Variants in SRGAP2 observed in about 807,000 individuals in gnomAD.
SRGAP2 encodes SLIT-ROBO Rho GTPase-activating protein 2.
A neutral mutation model predicts 57.2 loss-of-function variants in SRGAP2; 15 were observed. The observed-to-expected ratio is 0.26, with a 90% CI of 0.18 to 0.40. The LOEUF is 0.40. Ranked by LOEUF, SRGAP2 falls within the 10% of genes least tolerant of loss-of-function variation. The probability of loss-of-function intolerance (pLI) is 1.00; values close to 1 mark genes in which losing one functional copy is unlikely to be tolerated. For synonymous variants in SRGAP2, 249 were observed against 248.0 expected, an observed-to-expected ratio of 1.00 and a Z score of -0.04; for missense variants, 520 against 669.6, an observed-to-expected ratio of 0.78 and a Z score of 2.47.
At chr1:206,419,322 T>C in intron 11 of SRGAP2, 51 bp from the exon 12 acceptor site, 1 of 779,760 alleles carries the variant, frequency 1.3e-6, no homozygotes, top group African/African-American at 1.7e-5. Context: ...GTCTCCCTCC[T>C]TCACCTCTTC....
chr1:206,359,249 G>T lies in SRGAP2; in HGVS notation c.423+16241G>T, dbSNP rs1431089109. On this transcript the variant is annotated intron_variant, in intron 4 of 22. Transcript: ENST00000573034. ...GCAATGGGAGAAATATGTGGAAATA[G>T]CCTGAAGCCTGAGTATAGAAGGCTT... Among the ~76,000 whole-genome samples the T allele has an allele frequency of 1.6e-4, 17 of 103,924 alleles. No homozygotes were observed. In the East Asian group the frequency reaches 4.7e-3, roughly 29 times the overall value. 68.2% of individuals were successfully genotyped at this position (103,924 alleles called of 152,430 possible). A position where few individuals can be genotyped will look rare whatever the true frequency, so the allele number is the denominator to read the frequency against.
chr1:206,205,549 T>TC lies in SRGAP2; in HGVS notation c.-417dup, dbSNP rs1665841558. ...AAAAACCGCGAAGCACGCCCAGCCC[T>TC]CCCCCGGCACCCCGAAAAGCACCCA... On this transcript the variant is annotated 5_prime_UTR_variant, in exon 2 of 23. Transcript: ENST00000573034. 1 of 127,472 alleles carries TC rather than the reference T, an allele frequency of 7.8e-6. No homozygotes were observed. The highest frequency in any genetic ancestry group is 3.8e-5 in the African/African-American group (1 of 26,644). 7.9% of individuals were successfully genotyped at this position (127,472 alleles called of 1,614,324 possible).
chr1:206,283,935 G>A (rs1227988583), intron 2 of SRGAP2, among the ~76,000 whole-genome samples: 3 of 127,250 alleles, frequency 2.4e-5, no homozygotes, highest in Non-Finnish European at 4.8e-5. Context: ...AATTATGTAA[G>A]CGTGTGATTT....
rs1553379330 is a variant in SRGAP2, at chr1:206,458,705, T to G, written c.2590T>G (p.Ser864Ala). The G allele has an allele frequency of 3.8e-6, 3 of 779,924 alleles. No individual in the cohort carries two copies. In the South Asian group the frequency reaches 4.0e-5, roughly 10 times the overall value. 48.3% of individuals were successfully genotyped at this position (779,924 alleles called of 1,614,324 possible). A position where few individuals can be genotyped will look rare whatever the true frequency, so the allele number is the denominator to read the frequency against. Residue 864 changes from serine to alanine, a missense_variant, in exon 22 of 23, where the codon TCC becomes GCC. By Grantham distance (99) the Ser-to-Ala change is moderately conservative. Around this residue, in one of 5 missense-constraint regions of SRGAP2, gnomAD observed 478 missense variants for 373.6 expected, o/e 1.28. Transcript: ENST00000573034. ...TGGGCTGAGCAGTTCCCTGACTGAC[T>G]CCTCCTCCCCAGGGGTGGGGGCTAG... Reference protein sequence around the residue: ...SHGLSSSLTDSSSPGVGASCR... With the variant: ...SHGLSSSLTDASSPGVGASCR...
At chr1:206,448,316 C>A (rs1662947309) in intron 18 of SRGAP2, among the ~76,000 whole-genome samples, 1 of 152,148 alleles carries the variant, frequency 6.6e-6, no homozygotes, top group Non-Finnish European at 1.5e-5. Flanking sequence ...ACCACACTTT[C>A]CAGTCCTGAA....
At chr1:206,419,209 GTCTCTGTCTC>G (rs1212042565) in intron 11 of SRGAP2, among the ~76,000 whole-genome samples, 154 bp from the exon 12 acceptor site, 22 of 151,782 alleles carry the variant, frequency 1.4e-4, no homozygotes, top group Admixed American at 6.6e-4. Context: ...CTTTCTCTCT[GTCTCTGTCTC>G]TCTCTGTCTC....
intron 3 of SRGAP2, among the ~76,000 whole-genome samples, chr1:206,325,643 G>C (rs1673821966): frequency 6.6e-6 from 1 of 150,588 alleles, no homozygotes; most frequent in Non-Finnish European, 1.5e-5. Context: ...CTGCATCCAG[G>C]CTACTTTTTT....
chr1:206,334,852 AT>A (rs200365573), intron 3 of SRGAP2, among the ~76,000 whole-genome samples: 2 of 138,360 alleles, frequency 1.4e-5, no homozygotes, highest in Admixed American at 7.0e-5. Flanking sequence ...ATCTGTGTGT[AT>A]TTTTTTTCTC....
At chr1:206,280,109 T>G (rs1367323947) in intron 2 of SRGAP2, among the ~76,000 whole-genome samples, 2 of 152,032 alleles carry the variant, frequency 1.3e-5, no homozygotes, top group African/African-American at 4.8e-5. Context: ...GTGTACCTGA[T>G]TTTGTATTTT....
At chr1:206,248,093 T>C (rs1347813946) in intron 2 of SRGAP2, among the ~76,000 whole-genome samples, 1 of 152,098 alleles carries the variant, frequency 6.6e-6, no homozygotes, top group Non-Finnish European at 1.5e-5. Flanking sequence ...TGTTCTCAGC[T>C]TCACAGAGGA....
Position 206,218,312 on chromosome 1 carries a change from C to CA in SRGAP2, c.67+12280dup, listed in dbSNP as rs1341449081. Among the ~76,000 whole-genome samples the CA allele has an allele frequency of 9.9e-3, 1,480 of 149,986 alleles. 18 individuals are homozygous for CA. The highest frequency in any genetic ancestry group is 0.035 in the African/African-American group (1,400 of 40,142). On this transcript the variant is annotated intron_variant, in intron 2 of 22. Transcript: ENST00000573034. ...TAGGTGACAGAGCAAGACTCCGTCT[C>CA]AAAAACAAACAACAAAAAAGATGTT...
At chr1:206,244,715 A>T (rs1668437428) in intron 2 of SRGAP2, among the ~76,000 whole-genome samples, 2 of 152,140 alleles carry the variant, frequency 1.3e-5, no homozygotes, top group African/African-American at 2.4e-5. Context: ...ATGGGAAAAA[A>T]AATTTGTTTT....
At chr1:206,229,933 C>CAT (rs1337487694) in intron 2 of SRGAP2, among the ~76,000 whole-genome samples, 2 of 113,360 alleles carry the variant, frequency 1.8e-5, no homozygotes, top group Non-Finnish European at 3.8e-5. Flanking sequence ...CACATACATA[C>CAT]ACACACACAC....
intron 14 of SRGAP2, among the ~76,000 whole-genome samples, chr1:206,431,200 T>A (rs1358178603): frequency 2.0e-5 from 3 of 152,224 alleles, no homozygotes; most frequent in African/African-American, 2.4e-5. Context: ...CTATAATTTT[T>A]AAATTTTATC....
intron 10 of SRGAP2, among the ~76,000 whole-genome samples, chr1:206,409,857 G>A (rs1444848769): frequency 1.3e-5 from 2 of 150,912 alleles, no homozygotes; most frequent in Admixed American, 1.3e-4. Flanking sequence ...CCAGCACTTT[G>A]GGAGGCCGAG....
chr1:206,334,797 C>G, intron 3 of SRGAP2, among the ~76,000 whole-genome samples: 1 of 151,306 alleles, frequency 6.6e-6, no homozygotes, highest in Non-Finnish European at 1.5e-5. Context: ...CTGTCTGCCT[C>G]AGTCATTTCC....
intron 2 of SRGAP2, among the ~76,000 whole-genome samples, chr1:206,240,782 A>T (rs1456144034): frequency 1.3e-5 from 2 of 152,246 alleles, no homozygotes; most frequent in Admixed American, 1.3e-4. Context: ...ACTGGGATCC[A>T]GGATCCCAAA....
chr1:206,326,490 A>G (rs562939864), intron 3 of SRGAP2, among the ~76,000 whole-genome samples: 9 of 152,304 alleles, frequency 5.9e-5, no homozygotes, highest in African/African-American at 2.2e-4. Flanking sequence ...GGCTCTGAGC[A>G]TTGTCCATTA....
intron 3 of SRGAP2, among the ~76,000 whole-genome samples, chr1:206,307,889 A>G (rs1672351231): frequency 6.6e-6 from 1 of 152,042 alleles, no homozygotes; most frequent in Non-Finnish European, 1.5e-5. Context: ...GCCAGCCCAG[A>G]AAGGGGCTCC....
Sources: gnomAD v4.1 joint callset for allele counts (sites outside exome capture counted in the v4.1 genomes callset) on GRCh38, gnomAD v4.1.1 for gene constraint, gnomAD v4.1.1 regional missense constraint, MANE v1.5 for transcripts, NCBI Gene and HGNC (gene_info 2026-07-23, HGNC 2026-07-21) for gene names.